ETV5: variants seen among roughly 807,000 people sequenced by gnomAD.
ETV5 encodes ETS variant transcription factor 5, also known as ETS translocation variant 5.
In ETV5, 10 loss-of-function variants were observed where a neutral mutation model predicts 70.0. The ratio of observed to expected loss-of-function variants is 0.14; its 90% CI spans 0.09 to 0.24. The LOEUF (loss-of-function observed/expected upper bound fraction) is 0.24. ETV5 is among the 10% of genes least tolerant of loss of function. ETV5 has a pLI of 1.00. For missense variants in ETV5, 453 were observed against 651.2 expected, an observed-to-expected ratio of 0.70 and a Z score of 3.31; for synonymous variants, 216 against 242.2, an observed-to-expected ratio of 0.89 and a Z score of 1.01.
chr3:186,101,168 A>G (rs1037948917), intron 5 of ETV5, among the ~76,000 whole-genome samples: 6 of 152,282 alleles, frequency 3.9e-5, no homozygotes, highest in African/African-American at 1.4e-4. Flanking sequence ...AGCTACATAC[A>G]CAGTTACATA....
At chr3:186,087,176 GA>G (rs1714078588) in intron 5 of ETV5, among the ~76,000 whole-genome samples, 1 of 152,150 alleles carries the variant, frequency 6.6e-6, no homozygotes, top group Non-Finnish European at 1.5e-5. Flanking sequence ...GGAGAATGAA[GA>G]AATTGCAATT....
chr3:186,108,542 ACTGCGGAG>A (rs1373807994), intron 1 of ETV5: 1 of 1,277,684 alleles, frequency 7.8e-7, no homozygotes, highest in Admixed American at 2.3e-5. Context: ...CCTCCTCCCA[ACTGCGGAG>A]CTCCGCCAAG....
chr3:186,107,750 C>CG (rs1714623154), intron 1 of ETV5, among the ~76,000 whole-genome samples: 6 of 152,014 alleles, frequency 3.9e-5, no homozygotes, highest in Admixed American at 3.3e-4. Context: ...TGGCGCGCAG[C>CG]GGGCCCGGTT....
chr3:186,049,406 C>T (rs1051841142), intron 12 of ETV5, among the ~76,000 whole-genome samples: 2 of 152,196 alleles, frequency 1.3e-5, no homozygotes, highest in African/African-American at 4.8e-5. Context: ...CTGAGGGAAC[C>T]GCTAACTACC....
intron 7 of ETV5, among the ~76,000 whole-genome samples, chr3:186,066,988 G>T (rs966444058): frequency 2.0e-5 from 3 of 152,182 alleles, no homozygotes; most frequent in Non-Finnish European, 4.4e-5. Flanking sequence ...ATGGATTAAA[G>T]GTTCCAATAT....
At chr3:186,060,991 G>A (rs1426422645) in intron 9 of ETV5, among the ~76,000 whole-genome samples, 1 of 152,146 alleles carries the variant, frequency 6.6e-6, no homozygotes, top group Non-Finnish European at 1.5e-5. Flanking sequence ...GCCAGTGTCC[G>A]GGAGACAGCC....
At chr3:186,050,528 T>C (rs1458113029) in intron 12 of ETV5, among the ~76,000 whole-genome samples, 2 of 152,138 alleles carry the variant, frequency 1.3e-5, no homozygotes, top group East Asian at 1.9e-4. Context: ...TGGCTGCTGA[T>C]GGGTATGGCG....
rs1712922284 is a variant in ETV5 at position 186,047,981 on chromosome 3, G to GA, written c.*657dup. The GA allele has an allele frequency of 4.3e-6, 1 of 233,372 alleles. No individual in the cohort carries two copies. Among genetic ancestry groups the GA allele is most frequent in the Non-Finnish European group, 8.5e-6 (1 of 117,946 alleles). The allele number at this position is 233,372 out of a possible 1,614,324, so 14.5% of individuals were successfully genotyped here. A position where few individuals can be genotyped will look rare whatever the true frequency, so the allele number is the denominator to read the frequency against. ...ACACTCAGCCACGTGATTGGGAAGAGAAAGGGGGCTTGCTCTACTTGGCGA... is the reference window on the plus strand; with the variant it reads ...ACACTCAGCCACGTGATTGGGAAGAGAAAAGGGGGCTTGCTCTACTTGGCGA... On this transcript the variant is annotated 3_prime_UTR_variant, in exon 13 of 13. Coordinates refer to ENST00000306376, the MANE Select transcript of ETV5 (RefSeq NM_004454.3).
intron 5 of ETV5, among the ~76,000 whole-genome samples, chr3:186,091,050 G>A (rs1288706186): frequency 6.6e-6 from 1 of 152,180 alleles, no homozygotes; most frequent in Non-Finnish European, 1.5e-5. Flanking sequence ...CGACTCATAG[G>A]GGACATGACA....
Position 186,054,511 on chromosome 3 carries a change from C to T in ETV5, c.1210-2380G>A, listed in dbSNP as rs1713110479. Among the ~76,000 whole-genome samples the T allele has an allele frequency of 2.0e-5, 3 of 152,084 alleles. No individual in the cohort carries two copies. The highest frequency in any genetic ancestry group is 2.4e-5 in the African/African-American group (1 of 41,402). ...AGTTAAAATGGCTCCAGATTAAAGC[C>T]GAGTCAGTCATAATTGAGAGGGTGC... On this transcript the variant is annotated intron_variant, in intron 11 of 12. Coordinates refer to ENST00000306376, the MANE Select transcript of ETV5 (RefSeq NM_004454.3). This position sits in a 1 kb window ranked among gnomAD's most constrained non-coding sequence, Gnocchi z 4.4.
chr3:186,096,561 T>C lies in ETV5; in HGVS notation c.232+8744A>G, dbSNP rs1161643296. Among the ~76,000 whole-genome samples, 4 of 151,998 alleles carry C rather than the reference T, an allele frequency of 2.6e-5. No individual in the cohort carries two copies. The East Asian group carries it at 7.7e-4, about 29-fold the overall frequency. On this transcript the variant is annotated intron_variant, in intron 5 of 12. Coordinates refer to ENST00000306376, the MANE Select transcript of ETV5 (RefSeq NM_004454.3). ...TTCAAACTCTCTCACAAAAGGACAA[T>C]CTGCCCAGGCCTGTTCTTTTTTTAA...
At chr3:186,078,755 C>G (rs1221087615) in intron 7 of ETV5, among the ~76,000 whole-genome samples, 2 of 152,092 alleles carry the variant, frequency 1.3e-5, no homozygotes, top group African/African-American at 4.8e-5. Flanking sequence ...GTTCGTGTTC[C>G]TTGGCCTAAC....
At chr3:186,091,864 A>G (rs553570688) in intron 5 of ETV5, among the ~76,000 whole-genome samples, 1 of 152,360 alleles carries the variant, frequency 6.6e-6, no homozygotes, top group East Asian at 1.9e-4. Flanking sequence ...ATGGCCTTGC[A>G]TGAAAATGGC....
At chr3:186,068,746 T>C (rs927972156) in intron 7 of ETV5, among the ~76,000 whole-genome samples, 1 of 152,232 alleles carries the variant, frequency 6.6e-6, no homozygotes, top group African/African-American at 2.4e-5. Flanking sequence ...AAGTATGGTT[T>C]CTGCCACAGC....
chr3:186,083,383 T>G (rs545248351), intron 5 of ETV5, among the ~76,000 whole-genome samples: 74 of 152,348 alleles, frequency 4.9e-4, no homozygotes, highest in African/African-American at 1.7e-3. Flanking sequence ...AATTAGGGTA[T>G]TATTGAATGG....
At chr3:186,083,803 A>G (rs1713989144) in intron 5 of ETV5, among the ~76,000 whole-genome samples, 1 of 152,162 alleles carries the variant, frequency 6.6e-6, no homozygotes, top group Admixed American at 6.5e-5. Context: ...TGTTAGTTAC[A>G]TATACTTTCC....
At chr3:186,071,296 C>T (rs1475207088) in intron 7 of ETV5, among the ~76,000 whole-genome samples, 2 of 152,124 alleles carry the variant, frequency 1.3e-5, no homozygotes, top group African/African-American at 2.4e-5. Flanking sequence ...AGAGATGATA[C>T]ATAAAATCTG....
At chr3:186,094,116 T>G (rs1238429659) in intron 5 of ETV5, among the ~76,000 whole-genome samples, 1 of 152,220 alleles carries the variant, frequency 6.6e-6, no homozygotes, top group African/African-American at 2.4e-5. Context: ...CAGCGAATGA[T>G]ATGGGTGATT....
At chr3:186,104,947 G>T in intron 5 of ETV5, 1 of 168,194 alleles carries the variant, frequency 5.9e-6, no homozygotes, top group Non-Finnish European at 1.3e-5. Context: ...TCACCATATT[G>T]GCCAGGCTGG....
Sources: gnomAD v4.1 joint callset for allele counts (sites outside exome capture counted in the v4.1 genomes callset) on GRCh38, gnomAD v4.1.1 for gene constraint, Gnocchi (gnomAD v3.1) non-coding constraint, MANE v1.5 for transcripts, NCBI Gene and HGNC (gene_info 2026-07-23, HGNC 2026-07-21) for gene names.